CBFA2T2: variants seen among roughly 807,000 people sequenced by gnomAD.
CBFA2T2 encodes protein CBFA2T2.
A neutral mutation model predicts 62.2 loss-of-function variants in CBFA2T2; 11 were observed. That is an observed-to-expected ratio of 0.18 (90% CI 0.11 to 0.29). The LOEUF (loss-of-function observed/expected upper bound fraction) is 0.29, where lower values mean the gene tolerates loss of function less well. Among genes scored for constraint, CBFA2T2 ranks in the 10% least tolerant of loss-of-function variants. The pLI is 1.00. For missense variants in CBFA2T2, 592 were observed against 774.1 expected, an observed-to-expected ratio of 0.76 and a Z score of 2.79; for synonymous variants, 295 against 287.5, an observed-to-expected ratio of 1.03 and a Z score of -0.27.
intron 1 of CBFA2T2, among the ~76,000 whole-genome samples, chr20:33,494,239 A>ATG (rs35933932): frequency 0.01 from 286 of 28,430 alleles, 9 homozygotes; most frequent in Admixed American, 0.046. Context: ...AGGCATATAT[A>ATG]TGTGTATATA....
intron 10 of CBFA2T2, among the ~76,000 whole-genome samples, chr20:33,643,881 A>AATTAG (rs1472349549): frequency 2.1e-5 from 3 of 141,294 alleles, no homozygotes; most frequent in African/African-American, 5.3e-5. Flanking sequence ...TAATTACAAA[A>AATTAG]ATTAGCCAGG....
At chr20:33,499,636 G>A (rs1454377427) in intron 1 of CBFA2T2, among the ~76,000 whole-genome samples, 2 of 152,146 alleles carry the variant, frequency 1.3e-5, no homozygotes, top group East Asian at 1.9e-4. Flanking sequence ...AAGCAGATAC[G>A]TCAGCCGAGT....
intron 1 of CBFA2T2, among the ~76,000 whole-genome samples, chr20:33,555,898 T>C (rs1359156720): frequency 6.6e-6 from 1 of 152,198 alleles, no homozygotes; most frequent in Non-Finnish European, 1.5e-5. Flanking sequence ...CAGGGTCTCA[T>C]TCTGGTGCCC....
chr20:33,514,295 A>G (rs1266102873), intron 1 of CBFA2T2, among the ~76,000 whole-genome samples: 2 of 142,446 alleles, frequency 1.4e-5, no homozygotes, highest in Admixed American at 7.4e-5. Context: ...GCTCGCTACA[A>G]CCTCCACCTC....
At chr20:33,547,778 A>C (rs2012623622) in intron 1 of CBFA2T2, among the ~76,000 whole-genome samples, 1 of 151,552 alleles carries the variant, frequency 6.6e-6, no homozygotes, top group Non-Finnish European at 1.5e-5. Context: ...GTATATTATA[A>C]AAATCTGTAT....
At chr20:33,588,689 G>A (rs2014483636) in intron 1 of CBFA2T2, among the ~76,000 whole-genome samples, 1 of 152,188 alleles carries the variant, frequency 6.6e-6, no homozygotes, top group African/African-American at 2.4e-5. Flanking sequence ...GCTCACGCCT[G>A]TAATCCCAGC....
At chr20:33,521,202 T>C (rs2011721894) in intron 1 of CBFA2T2, among the ~76,000 whole-genome samples, 1 of 152,186 alleles carries the variant, frequency 6.6e-6, no homozygotes, top group Non-Finnish European at 1.5e-5. Flanking sequence ...TCCATTCATT[T>C]AGCACATTTA....
chr20:33,536,860 CAG>C (rs1003047189), intron 1 of CBFA2T2, among the ~76,000 whole-genome samples: 1 of 145,152 alleles, frequency 6.9e-6, no homozygotes, highest in African/African-American at 2.6e-5. Context: ...GGCGGCTGGG[CAG>C]AGACGCTCCT....
Position 33,490,188 on chromosome 20 carries a change from C to T in CBFA2T2, c.-80C>T. ...GGCGACGCCTGCGAGGGACCCGGGC[C>T]GCGGGTCGAGGCGGGCGGCGCCTGC... On this transcript the variant is annotated 5_prime_UTR_variant, in exon 1 of 11. Coordinates refer to ENST00000342704, the MANE Select transcript of CBFA2T2 (RefSeq NM_001032999.3). The T allele has an allele frequency of 1.7e-6, 2 of 1,196,338 alleles. No homozygotes were observed. Among genetic ancestry groups the T allele is most frequent in the Non-Finnish European group, 2.1e-6 (2 of 964,134 alleles). 74.1% of individuals were successfully genotyped at this position (1,196,338 alleles called of 1,614,324 possible). A position where few individuals can be genotyped will look rare whatever the true frequency, so the allele number is the denominator to read the frequency against.
chr20:33,634,990 C>G (rs887550087), intron 8 of CBFA2T2, among the ~76,000 whole-genome samples: 1 of 152,132 alleles, frequency 6.6e-6, no homozygotes, highest in Non-Finnish European at 1.5e-5. Context: ...CATTAGAAAT[C>G]TACCCAACTT....
chr20:33,640,669 G>C (rs2016798694), intron 10 of CBFA2T2, 138 bp downstream of exon 10: 1 of 717,370 alleles, frequency 1.4e-6, no homozygotes, highest in African/African-American at 1.8e-5. Flanking sequence ...CCAGTGCCAG[G>C]AGAGTTTTGG....
chr20:33,611,607 C>T (rs1601063118), intron 3 of CBFA2T2, among the ~76,000 whole-genome samples: 1 of 152,020 alleles, frequency 6.6e-6, no homozygotes, highest in East Asian at 1.9e-4. Flanking sequence ...CCTTGACCTT[C>T]CAGGTTTAAG....
intron 1 of CBFA2T2, among the ~76,000 whole-genome samples, chr20:33,551,168 T>A (rs1054629452): frequency 6.6e-6 from 1 of 152,062 alleles, no homozygotes; most frequent in Non-Finnish European, 1.5e-5. Context: ...TACAATTAAC[T>A]GTTGGTTTAT....
intron 1 of CBFA2T2, among the ~76,000 whole-genome samples, chr20:33,513,277 GC>G (rs2011540183): frequency 6.6e-6 from 1 of 151,924 alleles, no homozygotes; most frequent in Admixed American, 6.6e-5. Flanking sequence ...AAGAGCCTCT[GC>G]TTTGTGAGAT....
chr20:33,615,763 ACT>A (rs1651484408), intron 3 of CBFA2T2, among the ~76,000 whole-genome samples: 1 of 151,128 alleles, frequency 6.6e-6, no homozygotes, highest in South Asian at 2.1e-4. Context: ...AGAGAGAGAG[ACT>A]CTTAAAGGTA....
intron 1 of CBFA2T2, among the ~76,000 whole-genome samples, chr20:33,586,079 T>C (rs1470189686): frequency 1.3e-5 from 2 of 152,256 alleles, no homozygotes; most frequent in African/African-American, 2.4e-5. Context: ...TAATGTGTTA[T>C]GGTAATTTAC....
intron 1 of CBFA2T2, among the ~76,000 whole-genome samples, chr20:33,499,159 A>G (rs2011239280): frequency 1.3e-5 from 2 of 152,220 alleles, no homozygotes; most frequent in African/African-American, 4.8e-5. Context: ...GGTTTAAATG[A>G]TAGTGCTTAA....
chr20:33,520,110 A>C (rs1298250522), intron 1 of CBFA2T2, among the ~76,000 whole-genome samples: 1 of 152,172 alleles, frequency 6.6e-6, no homozygotes. Flanking sequence ...ACGCCATTGC[A>C]CTGGAGCCTG....
chr20:33,535,748 T>G (rs1182831765), intron 1 of CBFA2T2, among the ~76,000 whole-genome samples: 2 of 151,178 alleles, frequency 1.3e-5, no homozygotes, highest in Non-Finnish European at 2.9e-5. Context: ...AGGACAATAG[T>G]GGAGGGAAGG....
Sources: allele counts gnomAD v4.1 joint callset (sites outside exome capture counted in the v4.1 genomes callset), GRCh38; gene constraint gnomAD v4.1.1; transcripts MANE v1.5; gene names NCBI Gene and HGNC (gene_info 2026-07-23, HGNC 2026-07-21).